The following RNASET2 variants were observed in gnomAD, a reference collection of about 807,000 sequenced individuals.
RNASET2 encodes the protein ribonuclease T2.
Under a neutral mutation model 33.9 loss-of-function variants are expected in RNASET2, and 28 were observed. That is an observed-to-expected ratio of 0.83 (90% CI 0.61 to 1.13). The LOEUF (loss-of-function observed/expected upper bound fraction) is 1.13. RNASET2 is among the 50% of genes most tolerant of loss of function. The pLI is 0.00. For synonymous variants in RNASET2, 123 were observed against 121.0 expected (o/e 1.02, Z -0.11); for missense variants, 330 against 319.9 (o/e 1.03, Z -0.24).
At chr6:166,930,964 G>T in intron 8 of RNASET2, 80 bp downstream of exon 8, 1 of 966,140 alleles carries the variant, frequency 1.0e-6, no homozygotes, top group Non-Finnish European at 1.7e-6. Flanking sequence ...CCAGGGAACT[G>T]CATGGTGAAG....
In RNASET2 at chr6:166,946,729, T is replaced by C. The variant is rs115956642; in HGVS notation, c.214A>G (p.Ser72Gly). 3.9e-4 allele frequency: 616 copies of C among 1,566,198 alleles called. 2 individuals carry two copies. The African/African-American group carries it at 6.6e-3, about 17-fold the overall frequency. Reference protein sequence around the residue: ...WTIHGLWPDKSEGCNRSWPFN... With the variant: ...WTIHGLWPDKGEGCNRSWPFN... ...GGCCACGATCTATTACATCCTTCAC[T>C]TTTATCGGGCCTGGAAATTCAAATT... The change falls in exon 4 of 9, where the codon AGT becomes GGT. Residue 72 changes from serine (S) to glycine (G), a missense_variant. Physicochemically the swap from Ser to Gly is moderately conservative, Grantham distance 56 (BLOSUM62 0). Coordinates refer to ENST00000508775, the MANE Select transcript of RNASET2 (RefSeq NM_003730.6).
At chr6:166,951,610 A>C (rs571399368) in intron 2 of RNASET2, among the ~76,000 whole-genome samples, 2 of 152,240 alleles carry the variant, frequency 1.3e-5, no homozygotes, top group Non-Finnish European at 2.9e-5. Flanking sequence ...GTCACTTCTC[A>C]CCGTGCCCCT....
chr6:166,934,422 G>A (rs1778519051), intron 6 of RNASET2: 2 of 418,294 alleles, frequency 4.8e-6, no homozygotes, highest in African/African-American at 2.0e-5. Flanking sequence ...GAGTGGAGCT[G>A]GCACACACAT....
chr6:166,949,142 G>C (rs1290749177), intron 2 of RNASET2, among the ~76,000 whole-genome samples: 1 of 141,034 alleles, frequency 7.1e-6, no homozygotes, highest in Non-Finnish European at 1.5e-5. Context: ...TGAACTCAGT[G>C]AGCCGAGATC....
rs1413335788 is a variant in RNASET2, at chr6:166,955,367, A to G, written c.86+730T>C. ...CACACGCACGCACACACACACGCAC[A>G]CACAAACGCACACGCACACACACAC... is the stretch of plus-strand genomic sequence containing the variant. On this transcript the variant is annotated intron_variant, in intron 1 of 8. Coordinates refer to ENST00000508775, the MANE Select transcript of RNASET2 (RefSeq NM_003730.6). 44 of 190,570 alleles carry G rather than the reference A, an allele frequency of 2.3e-4. 4 individuals carry two copies. Among genetic ancestry groups the G allele is most frequent in the African/African-American group, 4.1e-4 (5 of 12,318 alleles). 11.8% of individuals were successfully genotyped at this position (190,570 alleles called of 1,614,324 possible). A position where few individuals can be genotyped will look rare whatever the true frequency, so the allele number is the denominator to read the frequency against.
In RNASET2 at chr6:166,943,081, C is replaced by G; in HGVS notation, c.270G>C (p.Leu90Phe). 6.2e-7 allele frequency: 1 copy of G among 1,612,516 alleles called. No homozygotes were observed. Among genetic ancestry groups the G allele is most frequent in the Non-Finnish European group, 8.5e-7 (1 of 1,179,050 alleles). The change falls in exon 5 of 9, where the codon TTG becomes TTC. Residue 90 changes from leucine to phenylalanine, a missense_variant. Leu to Phe is a conservative substitution (Grantham distance 22). Coordinates refer to ENST00000508775, the MANE Select transcript of RNASET2 (RefSeq NM_003730.6). ...PFNLEEIKDL[L>F]PEMRAYWPDV... ...CAGGCCAGTATGCCCTCATTTCTGG[C>G]AAAAGATCCTATGCATTAAAAAATA... is the stretch of plus-strand genomic sequence containing the variant.
intron 5 of RNASET2, 26 bp from the exon 6 acceptor site, chr6:166,939,034 C>G (rs747341710): frequency 3.2e-6 from 5 of 1,560,250 alleles, no homozygotes; most frequent in East Asian, 4.5e-5. Flanking sequence ...AAAATCTCCA[C>G]TTAAAAGTAG....
chr6:166,929,752 G>A lies in RNASET2; in HGVS notation c.607C>T (p.Leu203Phe). 1 of 1,614,008 alleles carries A rather than the reference G, an allele frequency of 6.2e-7. No homozygotes were observed. Among genetic ancestry groups the A allele is most frequent in the Non-Finnish European group, 8.5e-7 (1 of 1,180,022 alleles). Residue 203 changes from leucine to phenylalanine, a missense_variant, in exon 9 of 9, where the codon CTC becomes TTC. Leu to Phe is a conservative substitution (Grantham distance 22). Transcript: ENST00000508775. Reference sequence around the variant, plus strand: ...TGCAGCTGCTGGTCTTGCTTAGTGAGGCACAGTTCTATCTGACCAATTGTC... The same window carrying A: ...TGCAGCTGCTGGTCTTGCTTAGTGAAGCACAGTTCTATCTGACCAATTGTC... ...VQTIGQIELC[L>F]TKQDQQLQNC...
In RNASET2 at chr6:166,928,668, C is replaced by A. The variant is rs575782939; in HGVS notation, c.*920G>T. On this transcript the variant is annotated 3_prime_UTR_variant, in exon 9 of 9. Coordinates refer to ENST00000508775, the MANE Select transcript of RNASET2 (RefSeq NM_003730.6). ...AGACAATGCTAACAGGTTGTCTTAA[C>A]AACACATGGAAAGCTCCTCACTGCA... Among the ~76,000 whole-genome samples the A allele has an allele frequency of 1.3e-4, 20 of 152,310 alleles. No homozygotes were observed. In the East Asian group the frequency reaches 3.3e-3, roughly 25 times the overall value.
At position 166,933,621 on chromosome 6, in the gene RNASET2, G is replaced by C. The variant is rs1187383292; in HGVS notation, c.492+470C>G. 1 of 190,470 alleles carries C rather than the reference G, an allele frequency of 5.3e-6. No homozygotes were observed. The highest frequency in any genetic ancestry group is 2.4e-5 in the African/African-American group (1 of 41,828). 11.8% of individuals were successfully genotyped at this position (190,470 alleles called of 1,614,324 possible). A position where few individuals can be genotyped will look rare whatever the true frequency, so the allele number is the denominator to read the frequency against. On this transcript the variant is annotated intron_variant, in intron 7 of 8. Coordinates refer to ENST00000508775, the MANE Select transcript of RNASET2 (RefSeq NM_003730.6). This position sits in a 1 kb window ranked among gnomAD's most constrained non-coding sequence, Gnocchi z 4.1. ...CAGCCTGAGCCTCCCAAGGTCCTGG[G>C]ATTTATAGGCGTGAGTCACCACACC...
At chr6:166,951,114 G>T (rs191164129) in intron 2 of RNASET2, among the ~76,000 whole-genome samples, 1 of 152,228 alleles carries the variant, frequency 6.6e-6, no homozygotes, top group Admixed American at 6.5e-5. Context: ...GACTGATAAG[G>T]TCACGTGAGT....
intron 2 of RNASET2, 39 bp from the exon 3 acceptor site, chr6:166,948,664 G>A (rs1199412896): frequency 1.9e-5 from 21 of 1,123,666 alleles, no homozygotes; most frequent in Middle Eastern, 3.1e-4. Flanking sequence ...TTGGCTCTTT[G>A]TTTATTCAAA....
At chr6:166,945,050 T>C (rs1362914454) in intron 4 of RNASET2, 32 of 45,938 alleles carry the variant, frequency 7.0e-4, no homozygotes, top group South Asian at 1.5e-3. Context: ...CACGTCCACA[T>C]CTGTCAGCCC....
Position 166,929,612 on chromosome 6 carries a change from G to T in RNASET2, c.747C>A (p.Pro249=), listed in dbSNP as rs76894173. 49 of 1,613,978 alleles carry T rather than the reference G, an allele frequency of 3.0e-5. No homozygotes were observed. The highest frequency in any genetic ancestry group is 2.8e-5 in the Non-Finnish European group (33 of 1,180,038). Residue 249 remains proline (P), a synonymous_variant, in exon 9 of 9, where the codon CCC becomes CCA. Coordinates refer to ENST00000508775, the MANE Select transcript of RNASET2 (RefSeq NM_003730.6). ...ATCAATGCTTGGTCTTTTTAGGTGGGGGATAGAAGACTGGGCCATCTTCAC... is the reference window on the plus strand; with the variant it reads ...ATCAATGCTTGGTCTTTTTAGGTGGTGGATAGAAGACTGGGCCATCTTCAC... ...RVCEDGPVFY[P]PPKKTKH
chr6:166,948,862 T>A (rs112847997), intron 2 of RNASET2, among the ~76,000 whole-genome samples: 2,199 of 152,308 alleles, frequency 0.014, 22 homozygotes, highest in Non-Finnish European at 0.023. Context: ...AACAACTGAC[T>A]TAACAGAAAC....
At chr6:166,943,824 C>A in intron 4 of RNASET2, 1 of 461,628 alleles carries the variant, frequency 2.2e-6, no homozygotes, top group Admixed American at 2.4e-5. Flanking sequence ...AAACCTATAA[C>A]TGTTCTAAAA....
At chr6:166,955,529 C>G in intron 1 of RNASET2, 1 of 986,822 alleles carries the variant, frequency 1.0e-6, no homozygotes, top group African/African-American at 1.7e-5. Flanking sequence ...TTAAGTGTCC[C>G]CTCCACGACT....
Position 166,943,061 on chromosome 6 carries a change from C to A in RNASET2, c.290G>T (p.Trp97Leu). The A allele has an allele frequency of 6.2e-7, 1 of 1,613,630 alleles. No homozygotes were observed. The highest frequency in any genetic ancestry group is 8.5e-7 in the Non-Finnish European group (1 of 1,179,806). Residue 97 changes from tryptophan to leucine, a missense_variant, in exon 5 of 9, where the codon TGG (tryptophan) becomes TTG (leucine). By Grantham distance (61) the Trp-to-Leu change is moderately conservative (BLOSUM62 -2). Coordinates refer to ENST00000508775, the MANE Select transcript of RNASET2 (RefSeq NM_003730.6). ...GGGAAACGAGTGAATTACGTCAGGC[C>A]AGTATGCCCTCATTTCTGGCAAAAG... is the stretch of plus-strand genomic sequence containing the variant. ...KDLLPEMRAY[W>L]PDVIHSFPNR...
intron 1 of RNASET2, among the ~76,000 whole-genome samples, chr6:166,955,281 GACACA>G (rs1352930941): frequency 1.0e-3 from 71 of 70,812 alleles, no homozygotes; most frequent in Middle Eastern, 7.9e-3. Flanking sequence ...GCGCACACAC[GACACA>G]CACGCACAGA....
Sources: allele counts gnomAD v4.1 joint callset (sites outside exome capture counted in the v4.1 genomes callset), GRCh38; gene constraint gnomAD v4.1.1; non-coding constraint Gnocchi (gnomAD v3.1); transcripts MANE v1.5; gene names NCBI Gene and HGNC (gene_info 2026-07-23, HGNC 2026-07-21).